The following GLIS3 variants were observed in gnomAD, a reference collection of about 807,000 sequenced individuals.
The protein encoded by GLIS3 is GLIS family zinc finger 3.
GLIS3 carries 53 observed loss-of-function variants against 78.6 expected under a neutral mutation model. That is an observed-to-expected ratio of 0.67 (90% CI 0.54 to 0.85). GLIS3 has a LOEUF of 0.85. GLIS3 is among the 40% of genes least tolerant of loss of function. The pLI is 0.00. For synonymous variants in GLIS3, 684 were observed against 509.9 expected, an observed-to-expected ratio of 1.34 and a Z score of -4.60; for missense variants, 1,703 against 1,231.1, an observed-to-expected ratio of 1.38 and a Z score of -5.74.
At chr9:3,948,593 G>A (rs760685067) in intron 4 of GLIS3, among the ~76,000 whole-genome samples, 1 of 152,106 alleles carries the variant, frequency 6.6e-6, no homozygotes, top group Non-Finnish European at 1.5e-5. Flanking sequence ...CCTGACTCAA[G>A]TGATCCCAGG....
the GLIS3 span, among the ~76,000 whole-genome samples, chr9:4,389,062 G>GT: frequency 6.6e-6 from 1 of 152,178 alleles, no homozygotes; most frequent in Non-Finnish European, 1.5e-5. Flanking sequence ...CACAGCCTCC[G>GT]TAAGCCTGAA....
intron 4 of GLIS3, among the ~76,000 whole-genome samples, chr9:3,944,881 C>G (rs1816185620): frequency 6.6e-6 from 1 of 152,206 alleles, no homozygotes. Context: ...GGCTTTCATA[C>G]TGTGTCGTAT....
At chr9:4,470,232 G>A in the GLIS3 span, among the ~76,000 whole-genome samples, 3 of 152,054 alleles carry the variant, frequency 2.0e-5, no homozygotes, top group African/African-American at 7.2e-5. Flanking sequence ...GAAAAAGAGG[G>A]AATCCTCCCT....
chr9:4,315,706 TG>T (rs1563930276), intron 2 of GLIS3, among the ~76,000 whole-genome samples: 3 of 152,140 alleles, frequency 2.0e-5, no homozygotes. Context: ...CTGGGTCTTT[TG>T]GGGCCAGCCT....
At chr9:4,178,523 C>G (rs1015611746) in intron 2 of GLIS3, among the ~76,000 whole-genome samples, 5 of 152,226 alleles carry the variant, frequency 3.3e-5, no homozygotes, top group East Asian at 1.9e-4. Context: ...CAAATAGTTA[C>G]AGAGCTTTGG....
upstream of GLIS3, among the ~76,000 whole-genome samples, chr9:4,303,477 G>A (rs1817146651): frequency 2.6e-5 from 4 of 152,152 alleles, no homozygotes; most frequent in Admixed American, 2.6e-4. Context: ...AACTTAAGCT[G>A]ATTTTTCTAC....
intron 1 of GLIS3, chr9:4,298,434 G>A (rs1405560674): frequency 2.2e-6 from 1 of 452,496 alleles, no homozygotes; most frequent in Non-Finnish European, 4.4e-6. Flanking sequence ...AAGATTTCCA[G>A]ACACTTGAGT....
At chr9:4,341,314 T>C (rs1014141180) in intron 2 of GLIS3, among the ~76,000 whole-genome samples, 2 of 152,216 alleles carry the variant, frequency 1.3e-5, no homozygotes, top group Non-Finnish European at 2.9e-5. Flanking sequence ...AGATAAGCTC[T>C]ATTACCCTGG....
intron 4 of GLIS3, among the ~76,000 whole-genome samples, chr9:3,995,054 C>A (rs1380063939): frequency 1.3e-5 from 2 of 152,114 alleles, no homozygotes; most frequent in Admixed American, 6.6e-5. Context: ...TGAGTTTAAA[C>A]AGACATCCAC....
In GLIS3 at chr9:3,907,600, C is replaced by CACACACA. The variant is rs1563836806; in HGVS notation, c.1984-8766_1984-8765insTGTGTGT. ...GAGCCAATGGCTAGCATCCTCCACC[C>CACACACA]CCCAAACACACACACACACACACAG... On this transcript the variant is annotated intron_variant, in intron 6 of 10. Coordinates refer to ENST00000381971, the MANE Select transcript of GLIS3 (RefSeq NM_001042413.2). Among the ~76,000 whole-genome samples, 165 of 120,392 alleles carry CACACACA rather than the reference C, an allele frequency of 1.4e-3. 1 individual carries two copies. The highest frequency in any genetic ancestry group is 3.3e-3 in the East Asian group (13 of 3,914). The allele number at this position is 120,392 out of a possible 152,430, so 79.0% of individuals were successfully genotyped here.
intron 2 of GLIS3, among the ~76,000 whole-genome samples, chr9:4,193,739 G>A (rs773583978): frequency 6.6e-6 from 1 of 152,188 alleles, no homozygotes; most frequent in Non-Finnish European, 1.5e-5. Context: ...TGCTCTTGAG[G>A]ATCTGTCTGT....
At chr9:3,948,538 C>T (rs965737063) in intron 4 of GLIS3, among the ~76,000 whole-genome samples, 3 of 152,120 alleles carry the variant, frequency 2.0e-5, no homozygotes, top group Non-Finnish European at 2.9e-5. Context: ...CCTCAATCCC[C>T]CTGACTGTTC....
chr9:4,108,785 T>A (rs1461493407), intron 4 of GLIS3, among the ~76,000 whole-genome samples: 1 of 152,132 alleles, frequency 6.6e-6, no homozygotes, highest in Non-Finnish European at 1.5e-5. Flanking sequence ...TCATAAATTT[T>A]AAAAGCAAGG....
chr9:4,013,114 C>T (rs1822164686), intron 4 of GLIS3, among the ~76,000 whole-genome samples: 1 of 152,174 alleles, frequency 6.6e-6, no homozygotes, highest in Non-Finnish European at 1.5e-5. Context: ...ATCTTCAGCT[C>T]TCTGTGACAG....
chr9:4,342,189 T>A (rs1817842586), intron 2 of GLIS3, among the ~76,000 whole-genome samples: 1 of 152,220 alleles, frequency 6.6e-6, no homozygotes, highest in South Asian at 2.1e-4. Context: ...GAATGGCATT[T>A]CCTAGGTTAT....
chr9:4,074,835 G>C (rs906893443), intron 4 of GLIS3, among the ~76,000 whole-genome samples: 3 of 152,168 alleles, frequency 2.0e-5, no homozygotes, highest in African/African-American at 4.8e-5. Flanking sequence ...TTGGTCATTA[G>C]GCATTTTTAC....
chr9:3,840,128 A>T (rs1818623772), intron 9 of GLIS3, among the ~76,000 whole-genome samples: 1 of 152,234 alleles, frequency 6.6e-6, no homozygotes, highest in African/African-American at 2.4e-5. Flanking sequence ...AACAGTGTTT[A>T]TAAAAGCATT....
chr9:4,123,075 C>G (rs1477614314), intron 3 of GLIS3, among the ~76,000 whole-genome samples: 2 of 151,892 alleles, frequency 1.3e-5, no homozygotes, highest in African/African-American at 2.4e-5. Flanking sequence ...CCAAGATGAG[C>G]ACACCCAAAA....
chr9:4,300,070 C>T (rs985417517), upstream of GLIS3, among the ~76,000 whole-genome samples: 2 of 145,910 alleles, frequency 1.4e-5, no homozygotes, highest in Admixed American at 7.1e-5. Flanking sequence ...GATGTGTGTG[C>T]GGCCGCGAGG....
Sources: allele counts gnomAD v4.1 joint callset (sites outside exome capture counted in the v4.1 genomes callset), GRCh38; gene constraint gnomAD v4.1.1; transcripts MANE v1.5; gene names NCBI Gene and HGNC (gene_info 2026-07-23, HGNC 2026-07-21).